ABI1: variants seen among roughly 807,000 people sequenced by gnomAD.
ABI1 encodes abl interactor 1, also known as Abelson interactor 1.
ABI1 carries 14 observed loss-of-function variants against 54.6 expected under a neutral mutation model. The ratio of observed to expected loss-of-function variants is 0.26; its 90% CI spans 0.17 to 0.40. The LOEUF (loss-of-function observed/expected upper bound fraction) is 0.40. Among genes scored for constraint, ABI1 ranks in the 10% least tolerant of loss-of-function variants. ABI1 has a pLI of 1.00. For missense variants in ABI1, 443 were observed against 598.3 expected (o/e 0.74, Z 2.71); for synonymous variants, 194 against 209.3 (o/e 0.93, Z 0.63).
rs1475505669 is a variant in ABI1, at chr10:26,747,434, A to T, written c.*1136T>A. On this transcript the variant is annotated 3_prime_UTR_variant, in exon 11 of 11. Coordinates refer to ENST00000376140, the MANE Select transcript of ABI1 (RefSeq NM_001012750.3). Reference sequence around the variant, plus strand: ...ACCCACCTTCTTTCCCAATTATTTTATTTTAAAATTCTAATGTTGCTAGTG... The same window carrying T: ...ACCCACCTTCTTTCCCAATTATTTTTTTTTAAAATTCTAATGTTGCTAGTG... 9.2e-6 allele frequency: 2 copies of T among 217,382 alleles called. No individual in the cohort carries two copies. The highest frequency in any genetic ancestry group is 1.9e-5 in the Non-Finnish European group (2 of 108,082). 13.5% of individuals were successfully genotyped at this position (217,382 alleles called of 1,614,324 possible). A position where few individuals can be genotyped will look rare whatever the true frequency, so the allele number is the denominator to read the frequency against.
rs531393305 is a variant in ABI1 at position 26,836,799 on chromosome 10, A to C, written c.118-13494T>G. On this transcript the variant is annotated intron_variant, in intron 1 of 10. Transcript: ENST00000376140. ...TCCTACCTTGGAATTTGTTACATGA[A>C]ATAATAAATGCTCCTTACTGTTTAA... Among the ~76,000 whole-genome samples the C allele has an allele frequency of 2.0e-5, 3 of 152,328 alleles. No individual in the cohort carries two copies. The South Asian group carries it at 6.2e-4, about 32-fold the overall frequency.
intron 9 of ABI1, among the ~76,000 whole-genome samples, chr10:26,753,458 C>T (rs115188791): frequency 8.5e-4 from 129 of 152,230 alleles, no homozygotes; most frequent in African/African-American, 2.9e-3. Flanking sequence ...AATGTTTTCA[C>T]GAAATTGTCT....
At chr10:26,838,608 G>GA (rs1237549093) in intron 1 of ABI1, among the ~76,000 whole-genome samples, 2 of 152,066 alleles carry the variant, frequency 1.3e-5, no homozygotes, top group Non-Finnish European at 2.9e-5. Flanking sequence ...TTTTTAGGAA[G>GA]AAAAAATATG....
chr10:26,860,785 T>G lies in ABI1; in HGVS notation c.79A>C (p.Thr27Pro). 1 of 1,614,088 alleles carries G rather than the reference T, an allele frequency of 6.2e-7. No individual in the cohort carries two copies. ...RALIESYQNL[T>P]RVADYCENNY... is the part of the protein sequence containing the mutation. ...TTTTCACAGTAGTCTGCCACCCGAG[T>G]CAGGTTCTGGTAACTCTCGATCAGC... The change falls in exon 1 of 11, where the codon ACT (threonine) becomes CCT (proline). Residue 27 changes from threonine (T) to proline (P), a missense_variant. Around this residue, in one of 2 missense-constraint regions of ABI1, gnomAD observed 394 missense variants for 484.8 expected, o/e 0.81. Coordinates refer to ENST00000376140, the MANE Select transcript of ABI1 (RefSeq NM_001012750.3). The surrounding 1 kb of genome is among the most constrained non-coding windows in gnomAD (Gnocchi z 4.1).
chr10:26,820,659 C>T (rs1255060970), intron 2 of ABI1, among the ~76,000 whole-genome samples: 1 of 150,300 alleles, frequency 6.7e-6, no homozygotes, highest in Non-Finnish European at 1.5e-5. Context: ...GCGATCTCGG[C>T]TCACTGCAAC....
chr10:26,802,053 A>C (rs1011379535), intron 2 of ABI1, among the ~76,000 whole-genome samples: 5 of 152,198 alleles, frequency 3.3e-5, no homozygotes, highest in African/African-American at 1.2e-4. Flanking sequence ...CCTTTTAAAA[A>C]AGTTAGGTTA....
intron 1 of ABI1, among the ~76,000 whole-genome samples, chr10:26,832,171 T>G (rs2048718277): frequency 6.6e-6 from 1 of 152,212 alleles, no homozygotes; most frequent in Non-Finnish European, 1.5e-5. Context: ...TTTAAGGACA[T>G]GATTACTTGT....
intron 8 of ABI1, among the ~76,000 whole-genome samples, chr10:26,757,898 T>C (rs1380552225): frequency 2.0e-5 from 3 of 151,786 alleles, no homozygotes; most frequent in Non-Finnish European, 4.4e-5. Flanking sequence ...TGAAATGCTG[T>C]CCCTTCTAAA....
intron 2 of ABI1, among the ~76,000 whole-genome samples, chr10:26,796,933 C>T (rs187527781): frequency 1.2e-4 from 19 of 152,208 alleles, no homozygotes; most frequent in African/African-American, 3.6e-4. Context: ...ATAGGGTTTG[C>T]GCTCCTGTGA....
At chr10:26,849,256 G>A in intron 1 of ABI1, among the ~76,000 whole-genome samples, 1 of 151,912 alleles carries the variant, frequency 6.6e-6, no homozygotes, top group East Asian at 1.9e-4. Flanking sequence ...GGTAATCAAG[G>A]CAATGTCACA....
At chr10:26,859,672 A>G (rs1395661985) in intron 1 of ABI1, among the ~76,000 whole-genome samples, 6 of 152,248 alleles carry the variant, frequency 3.9e-5, no homozygotes, top group African/African-American at 1.4e-4. Context: ...CAAAGTCCCA[A>G]GAGTTTTCTA....
chr10:26,763,559 G>T (rs1839511575), intron 7 of ABI1, among the ~76,000 whole-genome samples: 1 of 151,730 alleles, frequency 6.6e-6, no homozygotes, highest in South Asian at 2.1e-4. Flanking sequence ...GTATATACCA[G>T]AGAGTTCCAA....
chr10:26,811,943 G>A (rs1458080929), intron 2 of ABI1, among the ~76,000 whole-genome samples: 1 of 152,092 alleles, frequency 6.6e-6, no homozygotes, highest in Non-Finnish European at 1.5e-5. Context: ...GAGTGAGCAG[G>A]GACAGGCTCC....
At chr10:26,820,456 T>A (rs1309350327) in intron 2 of ABI1, among the ~76,000 whole-genome samples, 1 of 151,962 alleles carries the variant, frequency 6.6e-6, no homozygotes. Context: ...CTGAAAATAC[T>A]TGCAAACTAA....
intron 5 of ABI1, among the ~76,000 whole-genome samples, chr10:26,769,647 T>C (rs1006756677): frequency 1.3e-5 from 2 of 152,198 alleles, no homozygotes; most frequent in African/African-American, 4.8e-5. Context: ...AAGTATTCGC[T>C]ATATTTAGTA....
chr10:26,857,320 CAAAAAAAAAAAAAAAAA>C (rs71403897), intron 1 of ABI1, among the ~76,000 whole-genome samples: 1 of 75,968 alleles, frequency 1.3e-5, no homozygotes, highest in South Asian at 3.3e-4. Flanking sequence ...GACTCCATCT[CAAAAAAAAAAAAAAAAA>C]AAAAAAAAAA....
chr10:26,857,486 T>C (rs1443569176), intron 1 of ABI1, among the ~76,000 whole-genome samples: 1 of 150,642 alleles, frequency 6.6e-6, no homozygotes, highest in Non-Finnish European at 1.5e-5. Flanking sequence ...ACAAAACAAA[T>C]ACAGAAATTA....
intron 9 of ABI1, among the ~76,000 whole-genome samples, chr10:26,754,843 A>T (rs1483472209): frequency 6.6e-6 from 1 of 152,220 alleles, no homozygotes; most frequent in Non-Finnish European, 1.5e-5. Context: ...CACTGTGATC[A>T]TGCAGTTAGG....
intron 5 of ABI1, among the ~76,000 whole-genome samples, 186 bp downstream of exon 5, chr10:26,770,059 A>C (rs560079849): frequency 6.6e-6 from 1 of 152,376 alleles, no homozygotes; most frequent in Admixed American, 6.5e-5. Context: ...ATTATAGAGA[A>C]TATTACAAAG....
Sources: gnomAD v4.1 joint callset for allele counts (sites outside exome capture counted in the v4.1 genomes callset) on GRCh38, gnomAD v4.1.1 for gene constraint, gnomAD v4.1.1 regional missense constraint, Gnocchi (gnomAD v3.1) non-coding constraint, MANE v1.5 for transcripts, NCBI Gene and HGNC (gene_info 2026-07-23, HGNC 2026-07-21) for gene names.